The following CALN1 variants were observed in gnomAD, a reference collection of about 807,000 sequenced individuals.
CALN1 encodes the protein calneuron 1.
A neutral mutation model predicts 30.6 loss-of-function variants in CALN1; 17 were observed. The observed-to-expected ratio is 0.56, with a 90% CI of 0.38 to 0.83. CALN1 has a LOEUF of 0.83. Among genes scored for constraint, CALN1 ranks in the 40% least tolerant of loss-of-function variants. The pLI is 0.00. For missense variants in CALN1, 291 were observed against 354.9 expected (o/e 0.82, Z 1.45); for synonymous variants, 156 against 131.4 (o/e 1.19, Z -1.28).
At chr7:71,793,256 A>T (rs997787076) in intron 6 of CALN1, among the ~76,000 whole-genome samples, 1 of 152,130 alleles carries the variant, frequency 6.6e-6, no homozygotes, top group Non-Finnish European at 1.5e-5. Context: ...TAGTGAGCCG[A>T]AACTGCGCCA....
At chr7:72,070,292 A>C (rs1804300100) in intron 4 of CALN1, among the ~76,000 whole-genome samples, 2 of 152,186 alleles carry the variant, frequency 1.3e-5, no homozygotes, top group African/African-American at 4.8e-5. Context: ...GCACTAAAAG[A>C]AAAGTTGCAC....
intron 4 of CALN1, among the ~76,000 whole-genome samples, chr7:72,049,568 C>T (rs1802697666): frequency 6.6e-6 from 1 of 152,140 alleles, no homozygotes; most frequent in Non-Finnish European, 1.5e-5. Context: ...AGTGCAGTGG[C>T]ACCATCTTGG....
At chr7:72,115,239 G>T (rs1335072462) in intron 3 of CALN1, among the ~76,000 whole-genome samples, 2 of 144,738 alleles carry the variant, frequency 1.4e-5, no homozygotes, top group Middle Eastern at 3.3e-3. Flanking sequence ...ATAATATACA[G>T]TGTATAATAA....
intron 2 of CALN1, among the ~76,000 whole-genome samples, chr7:72,292,573 C>T (rs1419837309): frequency 6.6e-6 from 1 of 151,410 alleles, no homozygotes; most frequent in Non-Finnish European, 1.5e-5. Context: ...GTAATCCCAG[C>T]ACTTTGGGAG....
chr7:72,300,329 A>T (rs750965969), intron 2 of CALN1, among the ~76,000 whole-genome samples: 1 of 149,074 alleles, frequency 6.7e-6, no homozygotes, highest in East Asian at 2.0e-4. Flanking sequence ...CTGTAACTCT[A>T]TTTTTTTTTT....
Position 72,353,512 on chromosome 7 carries a change from G to A in CALN1, c.119+49739C>T, listed in dbSNP as rs903912492. On this transcript the variant is annotated intron_variant, in intron 2 of 6. Transcript: ENST00000395275. Reference sequence around the variant, plus strand: ...CTAATGCATTCATGAAGAGTGTTTGGCAAAATTCAACACCTATTCTCCATG... The same window carrying A: ...CTAATGCATTCATGAAGAGTGTTTGACAAAATTCAACACCTATTCTCCATG... Among the ~76,000 whole-genome samples the A allele has an allele frequency of 3.9e-4, 59 of 152,052 alleles. No homozygotes were observed. In the Middle Eastern group the frequency reaches 0.014, roughly 35 times the overall value.
At chr7:71,799,110 TG>T (rs1446523928) in intron 6 of CALN1, among the ~76,000 whole-genome samples, 1 of 152,180 alleles carries the variant, frequency 6.6e-6, no homozygotes, top group African/African-American at 2.4e-5. Context: ...AGAAGATAAC[TG>T]GGGCTAGGGA....
At chr7:72,206,551 T>C (rs1791904086) in intron 3 of CALN1, among the ~76,000 whole-genome samples, 1 of 152,204 alleles carries the variant, frequency 6.6e-6, no homozygotes, top group Non-Finnish European at 1.5e-5. Context: ...AAGCTTATCT[T>C]TTTTTGTATT....
intron 3 of CALN1, among the ~76,000 whole-genome samples, chr7:72,205,567 T>TATATATA (rs1562733737): frequency 8.5e-6 from 1 of 118,204 alleles, no homozygotes; most frequent in Non-Finnish European, 1.6e-5. Context: ...TATATATATA[T>TATATATA]GTATATATAT....
chr7:72,458,072 G>A, the CALN1 span, among the ~76,000 whole-genome samples: 1 of 145,760 alleles, frequency 6.9e-6, no homozygotes, highest in African/African-American at 2.5e-5. Context: ...CCTATTCTTA[G>A]TGCCTGGTAC....
At chr7:71,878,777 T>C (rs1792399909) in intron 5 of CALN1, among the ~76,000 whole-genome samples, 1 of 152,186 alleles carries the variant, frequency 6.6e-6, no homozygotes, top group South Asian at 2.1e-4. Context: ...TAGTAATGAT[T>C]ACAACTGTGC....
intron 2 of CALN1, among the ~76,000 whole-genome samples, chr7:72,380,253 G>A (rs1804804525): frequency 6.6e-6 from 1 of 152,114 alleles, no homozygotes; most frequent in Non-Finnish European, 1.5e-5. Context: ...AAATGAAAGA[G>A]TAAACATGGG....
chr7:71,983,754 A>T (rs1798524232), intron 5 of CALN1, among the ~76,000 whole-genome samples: 1 of 151,912 alleles, frequency 6.6e-6, no homozygotes, highest in African/African-American at 2.4e-5. Context: ...CTGGTCTCGC[A>T]CTCCTGACCT....
intron 3 of CALN1, among the ~76,000 whole-genome samples, chr7:72,245,118 A>G (rs974291700): frequency 6.6e-5 from 10 of 152,194 alleles, no homozygotes; most frequent in Non-Finnish European, 1.3e-4. Context: ...GGTGACGTAG[A>G]CAGAACAATC....
At chr7:71,980,190 T>TC (rs1324550205) in intron 5 of CALN1, among the ~76,000 whole-genome samples, 1 of 146,712 alleles carries the variant, frequency 6.8e-6, no homozygotes, top group African/African-American at 2.5e-5. Flanking sequence ...TCTTTTTCTT[T>TC]TTTTTTTTTT....
intron 5 of CALN1, among the ~76,000 whole-genome samples, chr7:71,925,216 G>T (rs1342586960): frequency 6.6e-6 from 1 of 152,016 alleles, no homozygotes; most frequent in South Asian, 2.1e-4. Flanking sequence ...ACTACAGTCT[G>T]GGCAACACAG....
chr7:71,813,930 C>CAA (rs540550294), intron 5 of CALN1, among the ~76,000 whole-genome samples: 15,308 of 68,238 alleles, frequency 0.22, 1,631 homozygotes, highest in East Asian at 0.62. Flanking sequence ...GACTCTGTTG[C>CAA]AAAAAAAAAA....
chr7:72,455,930 T>C, the CALN1 span, among the ~76,000 whole-genome samples: 1 of 152,176 alleles, frequency 6.6e-6, no homozygotes, highest in East Asian at 1.9e-4. Context: ...TTCACGCCTG[T>C]AATCCCAGCA....
intron 5 of CALN1, among the ~76,000 whole-genome samples, chr7:71,844,862 T>C (rs1790137417): frequency 6.6e-6 from 1 of 152,152 alleles, no homozygotes; most frequent in Non-Finnish European, 1.5e-5. Context: ...TACTCCTCCA[T>C]CTGAGTTCTT....
Sources: gnomAD v4.1 joint callset for allele counts (sites outside exome capture counted in the v4.1 genomes callset) on GRCh38, gnomAD v4.1.1 for gene constraint, MANE v1.5 for transcripts, NCBI Gene and HGNC (gene_info 2026-07-23, HGNC 2026-07-21) for gene names.